Variants in GABRB2 observed in about 807,000 individuals in gnomAD.
GABRB2 encodes the protein gamma-aminobutyric acid receptor subunit beta-2.
GABRB2 carries 16 observed loss-of-function variants against 54.7 expected under a neutral mutation model. That is an observed-to-expected ratio of 0.29 (90% CI 0.20 to 0.44). The LOEUF (loss-of-function observed/expected upper bound fraction) is 0.44. Ranked by LOEUF, GABRB2 falls within the 20% of genes least tolerant of loss-of-function variation. The pLI, the probability that GABRB2 is intolerant of heterozygous loss-of-function variation, is 1.00. For synonymous variants in GABRB2, 244 were observed against 233.8 expected (o/e 1.04, Z -0.40); for missense variants, 355 against 644.0 (o/e 0.55, Z 4.86).
intron 5 of GABRB2, among the ~76,000 whole-genome samples, chr5:161,409,593 T>C (rs1428371605): frequency 2.6e-5 from 4 of 152,068 alleles, no homozygotes. Flanking sequence ...AAAATGCTCT[T>C]ATGTTCTCTC....
Position 161,319,125 on chromosome 5 carries a change from G to GTT in GABRB2, c.1191+7241_1191+7242dup, listed in dbSNP as rs777958862. Among the ~76,000 whole-genome samples, 407 of 139,614 alleles carry GTT rather than the reference G, an allele frequency of 2.9e-3. 2 individuals carry two copies. The highest frequency in any genetic ancestry group is 0.025 in the Middle Eastern group (7 of 276). 91.6% of individuals were successfully genotyped at this position (139,614 alleles called of 152,430 possible). On this transcript the variant is annotated intron_variant, in intron 9 of 9. Transcript: ENST00000393959. ...TTTCCCTAATGTAATTTTATTAGCTGTTTTTTTTTTTTTTAAATAAACAAT... is the reference window on the plus strand; with the variant it reads ...TTTCCCTAATGTAATTTTATTAGCTGTTTTTTTTTTTTTTTTAAATAAACAAT...
intron 3 of GABRB2, among the ~76,000 whole-genome samples, chr5:161,482,698 G>T (rs574184651): frequency 6.6e-6 from 1 of 152,058 alleles, no homozygotes; most frequent in African/African-American, 2.4e-5. Flanking sequence ...CCCCTATGGC[G>T]TACAAGCCCA....
intron 4 of GABRB2, among the ~76,000 whole-genome samples, chr5:161,441,979 T>G (rs1757480274): frequency 6.6e-6 from 1 of 151,804 alleles, no homozygotes; most frequent in Admixed American, 6.6e-5. Flanking sequence ...CTAACTGGGG[T>G]GGGAGGAGGG....
intron 3 of GABRB2, among the ~76,000 whole-genome samples, chr5:161,513,558 T>C (rs1407205747): frequency 2.0e-5 from 3 of 152,028 alleles, no homozygotes; most frequent in Non-Finnish European, 4.4e-5. Context: ...ATATTATCAT[T>C]TATAACTGGG....
At chr5:161,345,053 G>A (rs1754280932) in intron 5 of GABRB2, among the ~76,000 whole-genome samples, 1 of 152,002 alleles carries the variant, frequency 6.6e-6, no homozygotes, top group African/African-American at 2.4e-5. Context: ...TGGGGCTGGG[G>A]GCTAGGGGAG....
intron 5 of GABRB2, among the ~76,000 whole-genome samples, chr5:161,375,591 G>T (rs924554428): frequency 2.6e-5 from 4 of 152,130 alleles, no homozygotes; most frequent in African/African-American, 9.7e-5. Context: ...CAACATTATA[G>T]CAAGAGTAAG....
At chr5:161,476,001 A>G (rs1435037957) in intron 3 of GABRB2, among the ~76,000 whole-genome samples, 1 of 151,974 alleles carries the variant, frequency 6.6e-6, no homozygotes, top group African/African-American at 2.4e-5. Context: ...AAGTAAAATA[A>G]TCTCTGTTTG....
chr5:161,514,128 C>A (rs1759862793), intron 3 of GABRB2, among the ~76,000 whole-genome samples: 1 of 152,114 alleles, frequency 6.6e-6, no homozygotes, highest in African/African-American at 2.4e-5. Context: ...CCAGGGAGCA[C>A]AGTGATGTGC....
Position 161,353,322 on chromosome 5 carries a change from C to T in GABRB2, c.542-16553G>A, listed in dbSNP as rs998521449. 5.4e-4 allele frequency among the ~76,000 whole-genome samples: 82 copies of T among 151,956 alleles called. 2 individuals carry two copies. Among genetic ancestry groups the T allele is most frequent in the Admixed American group, 5.3e-3 (81 of 15,232 alleles). Reference sequence around the variant, plus strand: ...TAAAAATATCTGATAAAGTAATATACCTCCTGTTGCAGGACTGGACAGAGT... The same window carrying T: ...TAAAAATATCTGATAAAGTAATATATCTCCTGTTGCAGGACTGGACAGAGT... On this transcript the variant is annotated intron_variant, in intron 5 of 9. Transcript: ENST00000393959.
At chr5:161,322,437 T>C (rs1297771700) in intron 9 of GABRB2, among the ~76,000 whole-genome samples, 1 of 152,180 alleles carries the variant, frequency 6.6e-6, no homozygotes, top group African/African-American at 2.4e-5. Context: ...GATTTTACCA[T>C]GTTGCCCAGG....
At chr5:161,436,402 A>G (rs893664601) in intron 4 of GABRB2, among the ~76,000 whole-genome samples, 2 of 151,982 alleles carry the variant, frequency 1.3e-5, no homozygotes, top group Admixed American at 6.6e-5. Context: ...GCATGGTGGC[A>G]CACATCTGTA....
At chr5:161,311,121 T>A (rs997491714) in intron 9 of GABRB2, among the ~76,000 whole-genome samples, 9 of 152,316 alleles carry the variant, frequency 5.9e-5, no homozygotes, top group Non-Finnish European at 8.8e-5. Context: ...TTTGTCTAAC[T>A]GCTTTCATAT....
chr5:161,310,241 T>C (rs193233993), intron 9 of GABRB2, among the ~76,000 whole-genome samples: 1 of 152,150 alleles, frequency 6.6e-6, no homozygotes, highest in East Asian at 1.9e-4. Flanking sequence ...GATCAAATAA[T>C]CTGTACAACA....
intron 3 of GABRB2, among the ~76,000 whole-genome samples, chr5:161,478,952 T>G (rs1342621696): frequency 1.3e-5 from 2 of 152,064 alleles, no homozygotes; most frequent in Non-Finnish European, 2.9e-5. Flanking sequence ...TGAAGAGATC[T>G]GACAGTAGTA....
intron 5 of GABRB2, among the ~76,000 whole-genome samples, chr5:161,408,899 A>G (rs146463823): frequency 1.1e-4 from 16 of 152,192 alleles, no homozygotes; most frequent in African/African-American, 3.1e-4. Flanking sequence ...AGAAGCATCA[A>G]TTGGAGAACC....
At chr5:161,459,905 C>A (rs1374796500) in intron 3 of GABRB2, 61 bp from the exon 4 acceptor site, 13 of 884,934 alleles carry the variant, frequency 1.5e-5, no homozygotes, top group Non-Finnish European at 1.8e-5. Context: ...GGGGGATAAG[C>A]AAACATCTCA....
At chr5:161,323,250 C>G (rs75212100) in intron 9 of GABRB2, among the ~76,000 whole-genome samples, 1 of 151,950 alleles carries the variant, frequency 6.6e-6, no homozygotes, top group Non-Finnish European at 1.5e-5. Flanking sequence ...CTAGAACTCC[C>G]GACCTCAAGT....
intron 3 of GABRB2, among the ~76,000 whole-genome samples, chr5:161,517,825 C>T (rs2113421865): frequency 6.6e-6 from 1 of 150,670 alleles, no homozygotes; most frequent in Non-Finnish European, 1.5e-5. Context: ...GAGACAGAGT[C>T]TCACTCTGTT....
chr5:161,411,183 C>A, intron 4 of GABRB2, 126 bp from the exon 5 acceptor site: 1 of 656,028 alleles, frequency 1.5e-6, no homozygotes, highest in South Asian at 1.9e-5. Flanking sequence ...ACTGATGCAA[C>A]TTTGGATAAC....
Sources: gnomAD v4.1 joint callset for allele counts (sites outside exome capture counted in the v4.1 genomes callset) on GRCh38, gnomAD v4.1.1 for gene constraint, MANE v1.5 for transcripts, NCBI Gene and HGNC (gene_info 2026-07-23, HGNC 2026-07-21) for gene names.